The following TERT variants were observed in gnomAD, a reference collection of about 807,000 sequenced individuals.
TERT encodes the protein telomerase catalytic subunit.
A neutral mutation model predicts 104.0 loss-of-function variants in TERT; 42 were observed. The observed-to-expected ratio is 0.40, with a 90% CI of 0.32 to 0.52. TERT has a LOEUF of 0.52. Among genes scored for constraint, TERT ranks in the 20% least tolerant of loss-of-function variants. TERT has a pLI of 0.43. For missense variants in TERT, 1,101 were observed against 1,610.3 expected, an observed-to-expected ratio of 0.68 and a Z score of 5.41; for synonymous variants, 781 against 725.6, an observed-to-expected ratio of 1.08 and a Z score of -1.23.
At position 1,253,825 on chromosome 5, in the gene TERT, G is replaced by A. The variant is rs764602705; in HGVS notation, c.3302C>T (p.Thr1101Met). ...CCCCGGGAGCTTCCGACTCAGCTGC[G>A]TCTGGGCTGCGGGGCCAAAATCAGA... ...PLLGSLRTAQ[T>M]QLSRKLPGTT... The change falls in exon 16 of 16, where the codon ACG (threonine) becomes ATG (methionine). Residue 1101 changes from threonine (T) to methionine (M), a missense_variant. Transcript: ENST00000310581. 49 of 1,609,152 alleles carry A rather than the reference G, an allele frequency of 3.0e-5. No individual in the cohort carries two copies. Among genetic ancestry groups the A allele is most frequent in the Middle Eastern group, 1.7e-4 (1 of 6,058 alleles).
In TERT at chr5:1,270,768, C is replaced by A. The variant is rs139770696; in HGVS notation, c.2468+351G>T. Among the ~76,000 whole-genome samples the A allele has an allele frequency of 6.6e-6, 1 of 152,222 alleles. No homozygotes were observed. Among genetic ancestry groups the A allele is most frequent in the Admixed American group, 6.5e-5 (1 of 15,290 alleles). ...AAGCGTGTGAGAGCCGGGTGTCCAG[C>A]GTCAGTAGTAACTTGGAGCTGACAA... On this transcript the variant is annotated intron_variant, in intron 8 of 15. Transcript: ENST00000310581. This position sits in a 1 kb window ranked among gnomAD's most constrained non-coding sequence, Gnocchi z 8.3.
chr5:1,266,790 C>T lies in TERT; in HGVS notation c.2583-255G>A, dbSNP rs569441751. On this transcript the variant is annotated intron_variant, in intron 9 of 15. Coordinates refer to ENST00000310581, the MANE Select transcript of TERT (RefSeq NM_198253.3). ...CAATTCTGTGCCAGCTGAAGACGAA[C>T]GAAGGCCATCAGGCGCGGCCCCACT... Among the ~76,000 whole-genome samples, 19 of 152,326 alleles carry T rather than the reference C, an allele frequency of 1.2e-4. No individual in the cohort carries two copies. In the East Asian group the frequency reaches 1.4e-3, roughly 11 times the overall value.
chr5:1,291,718 C>A (rs1750998345), intron 2 of TERT, among the ~76,000 whole-genome samples: 3 of 149,194 alleles, frequency 2.0e-5, no homozygotes, highest in African/African-American at 4.9e-5. Flanking sequence ...GTGACAGGGA[C>A]ACCTGGGGGC....
In TERT at chr5:1,294,230, G is replaced by A. The variant is rs1340593866; in HGVS notation, c.656C>T (p.Pro219Leu). ...ACTGCCCCCGCGCCTCCTCGCACCC[G>A]GGGCTGGCAGGCCCAGGGGGACCCC... ...EAGVPLGLPA[P>L]GARRRGGSAS... The change falls in exon 2 of 16, where the codon CCG becomes CTG. Residue 219 changes from proline (P) to leucine (L), a missense_variant. Physicochemically the swap from Pro to Leu is moderately conservative, Grantham distance 98. Coordinates refer to ENST00000310581, the MANE Select transcript of TERT (RefSeq NM_198253.3). The A allele has an allele frequency of 1.3e-6, 2 of 1,586,826 alleles. No homozygotes were observed. The highest frequency in any genetic ancestry group is 1.7e-6 in the Non-Finnish European group (2 of 1,172,636).
intron 6 of TERT, 44 bp from the exon 7 acceptor site, chr5:1,272,324 C>A: frequency 1.3e-6 from 2 of 1,520,266 alleles, no homozygotes; most frequent in Middle Eastern, 1.7e-4. Context: ...GTGGCCTGCC[C>A]CGGCCAGAGC....
At chr5:1,272,585 CTACGACCGCCATCCA>C in intron 6 of TERT, among the ~76,000 whole-genome samples, 2 of 38,908 alleles carry the variant, frequency 5.1e-5, no homozygotes, top group Non-Finnish European at 1.1e-4. Flanking sequence ...ACATCAGACC[CTACGACCGCCATCCA>C]CAGTCACCAC....
In TERT at chr5:1,257,220, A is replaced by G. The variant is rs35738432; in HGVS notation, c.3032+1378T>C. Among the ~76,000 whole-genome samples the G allele has an allele frequency of 4.9e-3, 753 of 152,290 alleles. 4 individuals carry two copies. Among genetic ancestry groups the G allele is most frequent in the African/African-American group, 0.017 (723 of 41,568 alleles). Reference sequence around the variant, plus strand: ...CTCTACGGGAGCTCCTCGGAGCTAGAGACCCTGGTGGGGAAATGAGGACAA... The same window carrying G: ...CTCTACGGGAGCTCCTCGGAGCTAGGGACCCTGGTGGGGAAATGAGGACAA... On this transcript the variant is annotated intron_variant, in intron 13 of 15. Transcript: ENST00000310581. This position sits in a 1 kb window ranked among gnomAD's most constrained non-coding sequence, Gnocchi z 5.6.
At chr5:1,271,284 G>C in intron 7 of TERT, 80 bp from the exon 8 acceptor site, 2 of 990,156 alleles carry the variant, frequency 2.0e-6, no homozygotes, top group Non-Finnish European at 1.6e-6. Context: ...AAGACCCTCC[G>C]TCCCTTTTGG....
intron 3 of TERT, 105 bp from the exon 4 acceptor site, chr5:1,280,443 A>G: frequency 7.8e-7 from 1 of 1,284,740 alleles, no homozygotes; most frequent in Non-Finnish European, 1.1e-6. Flanking sequence ...GGCTCAGGGC[A>G]CCCACGGCAG....
chr5:1,264,221 T>G, intron 11 of TERT, 183 bp downstream of exon 11: 2 of 646,132 alleles, frequency 3.1e-6, no homozygotes, highest in Non-Finnish European at 5.4e-6. Flanking sequence ...GTGAGCACCC[T>G]CACTCCCACA....
chr5:1,260,400 G>GCACACA (rs140610549), intron 12 of TERT, 74 bp downstream of exon 12: 178 of 1,491,148 alleles, frequency 1.2e-4, no homozygotes, highest in African/African-American at 2.4e-4. Context: ...AGGCACGCGC[G>GCACACA]CACACACACA....
chr5:1,287,604 T>TA lies in TERT; in HGVS notation c.1574-4981dup, dbSNP rs1482615833. ...CAGTGTGGCAGTACTAAGAGCAATT[T>TA]AAAAAAAGAATTACTAGATTACTAG... On this transcript the variant is annotated intron_variant, in intron 2 of 15. Coordinates refer to ENST00000310581, the MANE Select transcript of TERT (RefSeq NM_198253.3). The surrounding 1 kb of genome is among the most constrained non-coding windows in gnomAD (Gnocchi z 4.3). 6.6e-6 allele frequency among the ~76,000 whole-genome samples: 1 copy of TA among 151,202 alleles called. No individual in the cohort carries two copies. The highest frequency in any genetic ancestry group is 1.5e-5 in the Non-Finnish European group (1 of 67,838).
chr5:1,278,871 G>A, intron 5 of TERT, 75 bp from the exon 6 acceptor site: 1 of 1,594,558 alleles, frequency 6.3e-7, no homozygotes, highest in Non-Finnish European at 8.6e-7. Context: ...TCAGGGCCTG[G>A]CCTGGCGGTG....
In TERT at chr5:1,257,472, C is replaced by G. The variant is rs34439046; in HGVS notation, c.3032+1126G>C. On this transcript the variant is annotated intron_variant, in intron 13 of 15. Transcript: ENST00000310581. The surrounding 1 kb of genome is among the most constrained non-coding windows in gnomAD (Gnocchi z 5.6). ...CCGGAAAGGAGTCAAGCAGCTTGCA[C>G]GAGGGCCCAGGCACGCGTCAGGGAG... Among the ~76,000 whole-genome samples the G allele has an allele frequency of 6.6e-6, 1 of 152,064 alleles. No homozygotes were observed. Among genetic ancestry groups the G allele is most frequent in the Non-Finnish European group, 1.5e-5 (1 of 68,006 alleles).
rs1283668810 is a variant in TERT, at chr5:1,282,823, G to A, written c.1574-199C>T. 24 of 602,204 alleles carry A rather than the reference G, an allele frequency of 4.0e-5. 1 individual carries two copies. Among genetic ancestry groups the A allele is most frequent in the Middle Eastern group, 4.5e-4 (1 of 2,246 alleles). 37.3% of individuals were successfully genotyped at this position (602,204 alleles called of 1,614,324 possible). A position where few individuals can be genotyped will look rare whatever the true frequency, so the allele number is the denominator to read the frequency against. ...CCCTGGACCTGCACCATTCGGACAC[G>A]GGGACACCGCATATCCAGCTCACCG... On this transcript the variant is annotated intron_variant, in intron 2 of 15. Transcript: ENST00000310581.
In TERT at chr5:1,265,815, C is replaced by T. The variant is rs1045259860; in HGVS notation, c.2654+649G>A. Among the ~76,000 whole-genome samples the T allele has an allele frequency of 6.6e-6, 1 of 152,144 alleles. No individual in the cohort carries two copies. The highest frequency in any genetic ancestry group is 2.4e-5 in the African/African-American group (1 of 41,414). On this transcript the variant is annotated intron_variant, in intron 10 of 15. Coordinates refer to ENST00000310581, the MANE Select transcript of TERT (RefSeq NM_198253.3). The surrounding 1 kb of genome is among the most constrained non-coding windows in gnomAD (Gnocchi z 6.9). ...CGTCAAATCGCACTTTAAAACAAGC[C>T]CACCGGCTCTGTGGGGCGCCCTTGA...
rs113551328 is a variant in TERT at position 1,257,449 on chromosome 5, G to T, written c.3032+1149C>A. 3.1e-3 allele frequency among the ~76,000 whole-genome samples: 470 copies of T among 152,260 alleles called. 2 individuals are homozygous for T. The highest frequency in any genetic ancestry group is 4.5e-3 in the Non-Finnish European group (307 of 68,006). On this transcript the variant is annotated intron_variant, in intron 13 of 15. Transcript: ENST00000310581. The surrounding 1 kb of genome is among the most constrained non-coding windows in gnomAD (Gnocchi z 5.6). ...TATCCAGCACACCCCAAGGGTTTCC[G>T]GAAAGGAGTCAAGCAGCTTGCACGA... is the stretch of plus-strand genomic sequence containing the variant.
rs746216837 is a variant in TERT, at chr5:1,293,424, G to A, written c.1462C>T (p.Leu488Phe). Residue 488 changes from leucine to phenylalanine, a missense_variant, in exon 2 of 16, where the codon CTC becomes TTC. By Grantham distance (22) the Leu-to-Phe change is conservative (BLOSUM62 0). This residue lies in a region of TERT where 504 missense variants were observed against 544.6 expected (regional missense o/e 0.93). Transcript: ENST00000310581. ...WGSRHNERRF[L>F]RNTKKFISLG... ...GAGATGAACTTCTTGGTGTTCCTGA[G>A]GAAGCGGCGTTCGTTGTGCCTGGAG... is the stretch of plus-strand genomic sequence containing the variant. 6.2e-7 allele frequency: 1 copy of A among 1,612,914 alleles called. No homozygotes were observed. The highest frequency in any genetic ancestry group is 1.1e-5 in the South Asian group (1 of 91,010).
rs554279629 is a variant in TERT at position 1,255,560 on chromosome 5, A to C, written c.3033-149T>G. ...GGCACAGGTGCACACACACGGATGC[A>C]TGCATGCATGTCTGTGTGTGTGCTT... On this transcript the variant is annotated intron_variant, in intron 13 of 15. Coordinates refer to ENST00000310581, the MANE Select transcript of TERT (RefSeq NM_198253.3). This position sits in a 1 kb window ranked among gnomAD's most constrained non-coding sequence, Gnocchi z 6.9. 1.3e-5 allele frequency: 12 copies of C among 945,756 alleles called. No homozygotes were observed. The South Asian group carries it at 1.6e-4, about 13-fold the overall frequency. 58.6% of individuals were successfully genotyped at this position (945,756 alleles called of 1,614,324 possible).
Sources: allele counts gnomAD v4.1 joint callset (sites outside exome capture counted in the v4.1 genomes callset), GRCh38; gene constraint gnomAD v4.1.1; regional missense constraint gnomAD v4.1.1; non-coding constraint Gnocchi (gnomAD v3.1); transcripts MANE v1.5; gene names NCBI Gene and HGNC (gene_info 2026-07-23, HGNC 2026-07-21).